Variants in CFAP91 observed in about 807,000 individuals in gnomAD.
CFAP91 encodes cilia and flagella associated protein 91, also known as cilia- and flagella-associated protein 91.
Under a neutral mutation model 95.9 loss-of-function variants are expected in CFAP91, and 85 were observed. That is an observed-to-expected ratio of 0.89 (90% CI 0.74 to 1.06). The LOEUF (loss-of-function observed/expected upper bound fraction) is 1.06. Among genes scored for constraint, CFAP91 ranks in the 50% least tolerant of loss-of-function variants. The pLI is 0.00. For synonymous variants in CFAP91, 335 were observed against 327.5 expected, an observed-to-expected ratio of 1.02 and a Z score of -0.25; for missense variants, 962 against 943.4, an observed-to-expected ratio of 1.02 and a Z score of -0.26.
At chr3:119,725,039 A>G (rs1470299980) in intron 6 of CFAP91, among the ~76,000 whole-genome samples, 4 of 152,264 alleles carry the variant, frequency 2.6e-5, no homozygotes, top group African/African-American at 4.8e-5. Context: ...TGTACGTGGT[A>G]GAAATATGAC....
At chr3:119,732,194 A>C in intron 8 of CFAP91, 100 bp from the exon 9 acceptor site, 2 of 916,070 alleles carry the variant, frequency 2.2e-6, no homozygotes, top group Admixed American at 5.6e-5. Context: ...ATTCATTTCA[A>C]TAGCTTCTCT....
At chr3:119,762,550 C>T (rs2054555668) in intron 17 of CFAP91, among the ~76,000 whole-genome samples, 1 of 152,004 alleles carries the variant, frequency 6.6e-6, no homozygotes, top group African/African-American at 2.4e-5. Flanking sequence ...GCAAAAAGAA[C>T]AAAGCCATCA....
chr3:119,735,587 GT>G (rs2053985796), intron 10 of CFAP91, among the ~76,000 whole-genome samples: 1 of 152,162 alleles, frequency 6.6e-6, no homozygotes, highest in African/African-American at 2.4e-5. Context: ...GTGATCAGAG[GT>G]CATAGTCTGT....
chr3:119,758,447 A>G (rs1006298120), intron 17 of CFAP91, among the ~76,000 whole-genome samples: 2 of 152,124 alleles, frequency 1.3e-5, no homozygotes, highest in Non-Finnish European at 2.9e-5. Flanking sequence ...TCCTACATAT[A>G]TTTGCATTGG....
chr3:119,733,044 C>T (rs1242121266), intron 9 of CFAP91, among the ~76,000 whole-genome samples: 1 of 152,174 alleles, frequency 6.6e-6, no homozygotes, highest in East Asian at 1.9e-4. Context: ...TGAACGTCTA[C>T]TTTAGAAGGG....
intron 6 of CFAP91, among the ~76,000 whole-genome samples, chr3:119,717,054 G>T (rs116039481): frequency 0.053 from 8,067 of 152,304 alleles, 307 homozygotes; most frequent in Admixed American, 0.082. Flanking sequence ...TCGTAATGTA[G>T]AAATGGAGAC....
At chr3:119,759,547 A>T (rs1310492179) in intron 17 of CFAP91, among the ~76,000 whole-genome samples, 1 of 151,992 alleles carries the variant, frequency 6.6e-6, no homozygotes, top group Non-Finnish European at 1.5e-5. Flanking sequence ...AAACATATGA[A>T]AGTATAAAAC....
At chr3:119,730,588 G>A (rs922891504) in intron 8 of CFAP91, among the ~76,000 whole-genome samples, 10 of 146,370 alleles carry the variant, frequency 6.8e-5, no homozygotes, top group African/African-American at 1.8e-4. Flanking sequence ...ACAGGTAGTC[G>A]AGTTACTGAG....
At chr3:119,734,702 CTACATTCAT>C (rs1380212652) in intron 10 of CFAP91, among the ~76,000 whole-genome samples, 1 of 152,152 alleles carries the variant, frequency 6.6e-6, no homozygotes, top group African/African-American at 2.4e-5. Context: ...GATTTTGCTT[CTACATTCAT>C]GAGTGAAATG....
chr3:119,714,227 G>A (rs530369804), intron 5 of CFAP91, among the ~76,000 whole-genome samples: 2 of 151,998 alleles, frequency 1.3e-5, no homozygotes, highest in East Asian at 3.9e-4. Context: ...TTAGCCGGGC[G>A]TGGTGGCGGG....
At chr3:119,757,956 T>C (rs2054464078) in intron 17 of CFAP91, among the ~76,000 whole-genome samples, 3 of 152,206 alleles carry the variant, frequency 2.0e-5, no homozygotes, top group South Asian at 2.1e-4. Flanking sequence ...TAATGAGTTA[T>C]GTCAGTAATA....
At chr3:119,758,431 C>T (rs553273761) in intron 17 of CFAP91, among the ~76,000 whole-genome samples, 3 of 152,194 alleles carry the variant, frequency 2.0e-5, no homozygotes, top group Non-Finnish European at 4.4e-5. Flanking sequence ...GAAGGAAGAT[C>T]TCCATTCCTA....
At position 119,740,686 on chromosome 3, in the gene CFAP91, T is replaced by C; in HGVS notation, c.1671T>C (p.His557=). The change falls in exon 13 of 18, where the codon CAT becomes CAC. Residue 557 remains histidine (H), a synonymous_variant. Transcript: ENST00000273390. ...CCTTACAGCGGCAGAGGAACTTGCA[T>C]GAGCACAAGGTTTTCCTTTTTTTGT... The part of the protein sequence containing the change: ...TLALQRQRNL[H]EHKVSLVENH... 1 of 1,614,048 alleles carries C rather than the reference T, an allele frequency of 6.2e-7. No individual in the cohort carries two copies. The highest frequency in any genetic ancestry group is 2.2e-5 in the East Asian group (1 of 44,878).
chr3:119,761,761 GAA>G (rs891180873), intron 17 of CFAP91, among the ~76,000 whole-genome samples: 1 of 151,420 alleles, frequency 6.6e-6, no homozygotes, highest in East Asian at 1.9e-4. Context: ...AATAGATTCA[GAA>G]AAAAAATTTG....
At position 119,747,173 on chromosome 3, in the gene CFAP91, C is replaced by G; in HGVS notation, c.1961C>G (p.Thr654Ser). 6.2e-7 allele frequency: 1 copy of G among 1,613,568 alleles called. No individual in the cohort carries two copies. Among genetic ancestry groups the G allele is most frequent in the Non-Finnish European group, 8.5e-7 (1 of 1,179,736 alleles). Residue 654 changes from threonine (T) to serine (S), a missense_variant, in exon 15 of 18, where the codon ACC becomes AGC. Physicochemically the swap from Thr to Ser is moderately conservative, Grantham distance 58. Coordinates refer to ENST00000273390, the MANE Select transcript of CFAP91 (RefSeq NM_033364.4). ...SSYLEDIILN[T>S]EANTAEEQAR... is the part of the protein sequence containing the mutation. ...TACCTAGAAGACATAATACTGAATA[C>G]CGAAGCGAATACTGCAGAAGAACAA...
intron 6 of CFAP91, among the ~76,000 whole-genome samples, chr3:119,720,327 G>A (rs1448142884): frequency 6.6e-6 from 1 of 150,388 alleles, no homozygotes; most frequent in East Asian, 1.9e-4. Context: ...AACCCGGGAG[G>A]CTCTGCTTGC....
chr3:119,712,819 G>A (rs1301376960), intron 5 of CFAP91, among the ~76,000 whole-genome samples: 1 of 151,958 alleles, frequency 6.6e-6, no homozygotes, highest in Non-Finnish European at 1.5e-5. Flanking sequence ...GCTGGGTGAG[G>A]TGGTGGGCAC....
chr3:119,711,907 C>T (rs1283843927), intron 5 of CFAP91, among the ~76,000 whole-genome samples: 1 of 152,250 alleles, frequency 6.6e-6, no homozygotes, highest in East Asian at 1.9e-4. Context: ...CTCTGTACAG[C>T]TCTGTTGGGG....
intron 17 of CFAP91, among the ~76,000 whole-genome samples, chr3:119,764,002 G>A (rs550774520): frequency 1.3e-5 from 2 of 152,180 alleles, no homozygotes; most frequent in South Asian, 4.1e-4. Context: ...AAAATGAAAA[G>A]TATATGAAGT....
Sources: gnomAD v4.1 joint callset for allele counts (sites outside exome capture counted in the v4.1 genomes callset) on GRCh38, gnomAD v4.1.1 for gene constraint, MANE v1.5 for transcripts, NCBI Gene and HGNC (gene_info 2026-07-23, HGNC 2026-07-21) for gene names.